The following ZRANB1 variants were observed in gnomAD, a reference collection of about 807,000 sequenced individuals.
ZRANB1 encodes zinc finger RANBP2-type containing 1.
Under a neutral mutation model 80.5 loss-of-function variants are expected in ZRANB1, and 16 were observed. That is an observed-to-expected ratio of 0.20 (90% CI 0.13 to 0.30). The LOEUF is 0.30. Ranked by LOEUF, ZRANB1 falls within the 10% of genes least tolerant of loss-of-function variation. The pLI, the probability that ZRANB1 is intolerant of heterozygous loss-of-function variation, is 1.00. For missense variants in ZRANB1, 576 were observed against 862.6 expected (o/e 0.67, Z 4.16); for synonymous variants, 291 against 293.1 (o/e 0.99, Z 0.07).
the ZRANB1 span, among the ~76,000 whole-genome samples, chr10:124,926,049 G>A: frequency 0.16 from 23,820 of 152,108 alleles, 1,920 homozygotes; most frequent in East Asian, 0.21. Flanking sequence ...GTATTCATGA[G>A]TGTAAACATA....
intron 5 of ZRANB1, among the ~76,000 whole-genome samples, chr10:124,979,490 G>A (rs537178970): frequency 6.6e-6 from 1 of 152,220 alleles, no homozygotes; most frequent in African/African-American, 2.4e-5. Flanking sequence ...CATTAGCAGT[G>A]TCTTTTGAAA....
At chr10:124,925,613 C>A in the ZRANB1 span, among the ~76,000 whole-genome samples, 1 of 152,090 alleles carries the variant, frequency 6.6e-6, no homozygotes, top group Non-Finnish European at 1.5e-5. Flanking sequence ...CCTATGTTTT[C>A]TTTTGTCACT....
chr10:124,951,129 T>C (rs1358159846), intron 1 of ZRANB1, among the ~76,000 whole-genome samples: 7 of 152,234 alleles, frequency 4.6e-5, no homozygotes, highest in Non-Finnish European at 1.0e-4. Flanking sequence ...ATTACGTATA[T>C]AGATGGACAT....
At position 124,987,450 on chromosome 10, in the gene ZRANB1, A is replaced by G. The variant is rs935797416; in HGVS notation, c.*2458A>G. On this transcript the variant is annotated 3_prime_UTR_variant, in exon 9 of 9. Coordinates refer to ENST00000359653, the MANE Select transcript of ZRANB1 (RefSeq NM_017580.3). ...ACCATGGATTCAGACCTGCCTTTTT[A>G]TGTTTTTGACTCTTAGGTTCATCGT... 11 of 151,998 alleles carry G rather than the reference A, an allele frequency of 7.2e-5. No individual in the cohort carries two copies. The highest frequency in any genetic ancestry group is 2.4e-4 in the African/African-American group (10 of 41,384). The allele number at this position is 151,998 out of a possible 1,614,324, so 9.4% of individuals were successfully genotyped here.
At chr10:124,948,708 A>G (rs190393115) in intron 1 of ZRANB1, among the ~76,000 whole-genome samples, 1 of 152,058 alleles carries the variant, frequency 6.6e-6, no homozygotes, top group East Asian at 1.9e-4. Context: ...CACTTCTAAT[A>G]TGCTTCATCA....
chr10:124,940,585 C>T (rs1306371605), upstream of ZRANB1: 1 of 1,247,566 alleles, frequency 8.0e-7, no homozygotes, highest in East Asian at 5.7e-5. Flanking sequence ...AAGTAGTATA[C>T]TTTCTTATAG....
At chr10:124,926,508 A>G in the ZRANB1 span, among the ~76,000 whole-genome samples, 1 of 152,152 alleles carries the variant, frequency 6.6e-6, no homozygotes, top group African/African-American at 2.4e-5. Flanking sequence ...CCACCTGTAC[A>G]TCTTGTCCCA....
chr10:124,973,665 A>C lies in ZRANB1; in HGVS notation c.1177A>C (p.Thr393Pro). The C allele has an allele frequency of 6.2e-7, 1 of 1,612,712 alleles. No homozygotes were observed. The highest frequency in any genetic ancestry group is 8.5e-7 in the Non-Finnish European group (1 of 1,179,636). Residue 393 changes from threonine to proline, a missense_variant, in exon 4 of 9, where the codon ACA becomes CCA. Coordinates refer to ENST00000359653, the MANE Select transcript of ZRANB1 (RefSeq NM_017580.3). ...TGTAGATATTGAAGATTTGCCCCCA[A>C]CAGTCCAAGAAAAATTATTTGATGA... ...LPADIEDLPP[T>P]VQEKLFDEVL...
At chr10:124,933,031 T>C in the ZRANB1 span, among the ~76,000 whole-genome samples, 8 of 152,212 alleles carry the variant, frequency 5.3e-5, no homozygotes, top group Non-Finnish European at 1.2e-4. Flanking sequence ...TTTGCAAATT[T>C]TTTTTCTGGT....
At chr10:124,943,691 C>T (rs1232387371) in intron 1 of ZRANB1, among the ~76,000 whole-genome samples, 1 of 152,214 alleles carries the variant, frequency 6.6e-6, no homozygotes, top group East Asian at 1.9e-4. Flanking sequence ...GTTCATGTCT[C>T]TCCATTACTG....
At chr10:124,931,169 G>A in the ZRANB1 span, among the ~76,000 whole-genome samples, 2 of 151,860 alleles carry the variant, frequency 1.3e-5, no homozygotes, top group East Asian at 1.9e-4. Flanking sequence ...TTGACCTTCC[G>A]GGCTCAAGTG....
At chr10:124,957,804 G>T (rs1951699051) in intron 1 of ZRANB1, among the ~76,000 whole-genome samples, 1 of 151,478 alleles carries the variant, frequency 6.6e-6, no homozygotes, top group Admixed American at 6.6e-5. Flanking sequence ...TGCGCTTGCT[G>T]CACCCTCTGC....
upstream of ZRANB1, chr10:124,940,507 A>C (rs1564953608): frequency 7.8e-7 from 1 of 1,288,982 alleles, no homozygotes; most frequent in Admixed American, 2.3e-5. Flanking sequence ...TATTCTAATC[A>C]TGTGCAAGGT....
chr10:124,963,251 G>A (rs912229064), intron 1 of ZRANB1, among the ~76,000 whole-genome samples: 6 of 122,704 alleles, frequency 4.9e-5, no homozygotes, highest in African/African-American at 2.0e-4. Flanking sequence ...GGGTGACAGA[G>A]CAAGACTCTG....
chr10:124,971,154 C>T (rs984374843), intron 2 of ZRANB1, among the ~76,000 whole-genome samples: 1 of 152,078 alleles, frequency 6.6e-6, no homozygotes, highest in African/African-American at 2.4e-5. Flanking sequence ...CGCAGATGCT[C>T]AACTGTGATT....
At chr10:124,952,721 C>T (rs1213452571) in intron 1 of ZRANB1, among the ~76,000 whole-genome samples, 2 of 152,040 alleles carry the variant, frequency 1.3e-5, no homozygotes, top group South Asian at 2.1e-4. Context: ...AGTGATTCTC[C>T]TGCCTCAACC....
rs200438486 is a variant in ZRANB1 at position 124,986,965 on chromosome 10, A to ATTAT, written c.*1987_*1990dup. Reference sequence around the variant, plus strand: ...GAGTGTTGTTTCCCCTGAGCGCTCTATTATTTATTTATTTATTATCAATCA... The same window carrying ATTAT: ...GAGTGTTGTTTCCCCTGAGCGCTCTATTATTTATTTATTTATTTATTATCAATCA... On this transcript the variant is annotated 3_prime_UTR_variant, in exon 9 of 9. Transcript: ENST00000359653. The ATTAT allele has an allele frequency of 3.1e-4, 39 of 126,784 alleles. No homozygotes were observed. Among genetic ancestry groups the ATTAT allele is most frequent in the East Asian group, 9.9e-4 (5 of 5,064 alleles). The allele number at this position is 126,784 out of a possible 1,614,324, so 7.9% of individuals were successfully genotyped here.
rs557864593 is a variant in ZRANB1, at chr10:124,981,999, T to TAGCATCGCAAGTATAGATG, written c.1548+189_1548+207dup. 2.1e-3 allele frequency among the ~76,000 whole-genome samples: 324 copies of TAGCATCGCAAGTATAGATG among 152,340 alleles called. 1 individual carries two copies. The highest frequency in any genetic ancestry group is 7.3e-3 in the African/African-American group (303 of 41,566). On this transcript the variant is annotated intron_variant, in intron 6 of 8. Transcript: ENST00000359653. ...TGATGACTGCTGTGTATCAAATAAA[T>TAGCATCGCAAGTATAGATG]AGCATCGCAAGTATAGATGAGCATC...
chr10:124,961,644 G>A (rs1436918378), intron 1 of ZRANB1, among the ~76,000 whole-genome samples: 1 of 152,230 alleles, frequency 6.6e-6, no homozygotes, highest in African/African-American at 2.4e-5. Context: ...GAGCTCAGTA[G>A]TATAGACTAT....
Sources: allele counts gnomAD v4.1 joint callset (sites outside exome capture counted in the v4.1 genomes callset), GRCh38; gene constraint gnomAD v4.1.1; transcripts MANE v1.5; gene names NCBI Gene and HGNC (gene_info 2026-07-23, HGNC 2026-07-21).